HACE1: variants seen among roughly 807,000 people sequenced by gnomAD.
The protein encoded by HACE1 is HECT domain and ankyrin repeat containing E3 ubiquitin protein ligase 1.
HACE1 carries 73 observed loss-of-function variants against 118.4 expected under a neutral mutation model. The ratio of observed to expected loss-of-function variants is 0.62; its 90% CI spans 0.51 to 0.75. The LOEUF (loss-of-function observed/expected upper bound fraction) is 0.75. HACE1 is among the 30% of genes least tolerant of loss of function. The pLI is 0.00. For synonymous variants in HACE1, 368 were observed against 374.8 expected, an observed-to-expected ratio of 0.98 and a Z score of 0.21; for missense variants, 749 against 1,102.2, an observed-to-expected ratio of 0.68 and a Z score of 4.54.
At chr6:104,820,984 T>C (rs1184623816) in intron 6 of HACE1, among the ~76,000 whole-genome samples, 1 of 152,200 alleles carries the variant, frequency 6.6e-6, no homozygotes, top group Non-Finnish European at 1.5e-5. Flanking sequence ...GAGGTACATA[T>C]ACACCACGGA....
chr6:104,846,087 A>G (rs962975578), intron 4 of HACE1, among the ~76,000 whole-genome samples: 1 of 152,218 alleles, frequency 6.6e-6, no homozygotes, highest in Non-Finnish European at 1.5e-5. Flanking sequence ...GAAGAAAAGC[A>G]GTAATCTATA....
intron 3 of HACE1, among the ~76,000 whole-genome samples, chr6:104,849,495 A>C (rs1430649445): frequency 1.6e-5 from 2 of 121,574 alleles, no homozygotes; most frequent in African/African-American, 6.1e-5. Flanking sequence ...GAGCCACCAC[A>C]ATTGGGTAAT....
At chr6:104,772,125 G>T in intron 17 of HACE1, 51 bp from the exon 18 acceptor site, 2 of 1,033,202 alleles carry the variant, frequency 1.9e-6, no homozygotes, top group Non-Finnish European at 3.0e-6. Flanking sequence ...ATATGCAGAA[G>T]AAAGATTACT....
In HACE1 at chr6:104,791,660, A is replaced by C; in HGVS notation, c.924-6T>G. 6.3e-7 allele frequency: 1 copy of C among 1,582,790 alleles called. No individual in the cohort carries two copies. On this transcript the variant is annotated splice_region_variant and splice_polypyrimidine_tract_variant and intron_variant, in intron 10 of 23. Coordinates refer to ENST00000262903, the MANE Select transcript of HACE1 (RefSeq NM_020771.4). The stretch of plus-strand genomic sequence containing the variant: ...CATCATAATTGCTAGAGAGGCTGAA[A>C]ATAAAAATTAAAATATGAGATTAGA...
chr6:104,848,015 A>C (rs1280732502), intron 4 of HACE1, among the ~76,000 whole-genome samples: 1 of 151,610 alleles, frequency 6.6e-6, no homozygotes, highest in Non-Finnish European at 1.5e-5. Flanking sequence ...CCATGCCTGG[A>C]TTATTTTTGT....
intron 5 of HACE1, among the ~76,000 whole-genome samples, chr6:104,839,753 C>G (rs1774911515): frequency 6.6e-6 from 1 of 152,176 alleles, no homozygotes; most frequent in African/African-American, 2.4e-5. Flanking sequence ...CACCTGTAAT[C>G]CCAGCATTTT....
intron 5 of HACE1, 103 bp downstream of exon 5, chr6:104,843,120 T>G: frequency 5.3e-6 from 4 of 756,830 alleles, no homozygotes; most frequent in South Asian, 4.1e-5. Flanking sequence ...CAAAAAAAAG[T>G]AACTTGCAGA....
chr6:104,785,190 C>T lies in HACE1; in HGVS notation c.1204G>A (p.Ala402Thr). 1.2e-6 allele frequency: 2 copies of T among 1,613,962 alleles called. No individual in the cohort carries two copies. Among genetic ancestry groups the T allele is most frequent in the Non-Finnish European group, 1.7e-6 (2 of 1,179,902 alleles). Residue 402 changes from alanine to threonine, a missense_variant, in exon 12 of 24, where the codon GCT becomes ACT. Ala to Thr is a moderately conservative substitution (Grantham distance 58, BLOSUM62 0). This residue lies in a region of HACE1 where 267 missense variants were observed against 312.2 expected (regional missense o/e 0.86). Transcript: ENST00000262903. ...LLKQKGQDQD[A>T]ASIPPFEPPG... ...GGTTCAAATGGAGGAATGGAAGCAG[C>T]ATCTTGATCTTGGCCTTTTTGTTTC...
At chr6:104,826,286 C>G (rs1178711136) in intron 6 of HACE1, among the ~76,000 whole-genome samples, 1 of 152,070 alleles carries the variant, frequency 6.6e-6, no homozygotes, top group African/African-American at 2.4e-5. Flanking sequence ...ACTCGAGTTA[C>G]AACAATGAAC....
intron 6 of HACE1, among the ~76,000 whole-genome samples, chr6:104,831,986 G>GAGAATA (rs1562471327): frequency 2.7e-5 from 1 of 37,406 alleles, no homozygotes; most frequent in South Asian, 1.2e-3. Context: ...AAGAGAGGAA[G>GAGAATA]GAAGGAAGGA....
intron 22 of HACE1, among the ~76,000 whole-genome samples, chr6:104,737,672 G>A (rs1485481197): frequency 6.6e-6 from 1 of 152,180 alleles, no homozygotes; most frequent in Non-Finnish European, 1.5e-5. Flanking sequence ...TGGCTCGGAG[G>A]GTCCTACCCC....
intron 19 of HACE1, among the ~76,000 whole-genome samples, chr6:104,758,693 A>C (rs567370335): frequency 3.7e-4 from 56 of 152,314 alleles, no homozygotes; most frequent in African/African-American, 1.3e-3. Context: ...AAATTCACAC[A>C]TAACAATACA....
chr6:104,809,079 T>A (rs1323870663), intron 7 of HACE1, among the ~76,000 whole-genome samples: 1 of 152,222 alleles, frequency 6.6e-6, no homozygotes, highest in African/African-American at 2.4e-5. Flanking sequence ...TTAACTATTA[T>A]AAATGGCATT....
chr6:104,738,860 T>C lies in HACE1; in HGVS notation c.2513+5300A>G, dbSNP rs561881055. Among the ~76,000 whole-genome samples, 6 of 150,782 alleles carry C rather than the reference T, an allele frequency of 4.0e-5. No individual in the cohort carries two copies. The East Asian group carries it at 1.2e-3, about 29-fold the overall frequency. ...TCGAGAAGAGCAACTCCAAGACACA[T>C]AACTGTCAGATTCACCAAAGCTGAA... On this transcript the variant is annotated intron_variant, in intron 22 of 23. Coordinates refer to ENST00000262903, the MANE Select transcript of HACE1 (RefSeq NM_020771.4).
intron 5 of HACE1, among the ~76,000 whole-genome samples, chr6:104,840,402 A>C (rs1047939330): frequency 1.3e-5 from 2 of 152,170 alleles, no homozygotes; most frequent in African/African-American, 4.8e-5. Context: ...ACAGGGCGGG[A>C]GGAGGGGCTG....
At chr6:104,790,076 A>G (rs1782859141) in intron 11 of HACE1, among the ~76,000 whole-genome samples, 2 of 152,218 alleles carry the variant, frequency 1.3e-5, no homozygotes, top group South Asian at 2.1e-4. Flanking sequence ...AAGAAAAAAA[A>G]AAAAGAAAAC....
At chr6:104,841,929 T>C (rs1372864993) in intron 5 of HACE1, among the ~76,000 whole-genome samples, 1 of 152,206 alleles carries the variant, frequency 6.6e-6, no homozygotes, top group African/African-American at 2.4e-5. Context: ...CAATATCCCA[T>C]ACCACCTCCA....
intron 22 of HACE1, among the ~76,000 whole-genome samples, chr6:104,739,576 T>C (rs988667557): frequency 7.9e-5 from 12 of 151,958 alleles, no homozygotes; most frequent in African/African-American, 2.9e-4. Flanking sequence ...AAGAAGGCCA[T>C]TACATAATGA....
intron 19 of HACE1, among the ~76,000 whole-genome samples, chr6:104,766,624 A>G (rs918044902): frequency 1.3e-5 from 2 of 152,260 alleles, no homozygotes; most frequent in African/African-American, 4.8e-5. Context: ...CCATATTAAA[A>G]TGAAATCGTT....
Sources: gnomAD v4.1 joint callset for allele counts (sites outside exome capture counted in the v4.1 genomes callset) on GRCh38, gnomAD v4.1.1 for gene constraint, gnomAD v4.1.1 regional missense constraint, MANE v1.5 for transcripts, NCBI Gene and HGNC (gene_info 2026-07-23, HGNC 2026-07-21) for gene names.